Variants in STAG1 observed in about 807,000 individuals in gnomAD.
STAG1 encodes the protein STAG1 cohesin complex component.
STAG1 carries 26 observed loss-of-function variants against 170.9 expected under a neutral mutation model. The observed-to-expected ratio is 0.15, with a 90% CI of 0.11 to 0.21. The LOEUF is 0.21. Among genes scored for constraint, STAG1 ranks in the 10% least tolerant of loss-of-function variants. STAG1 has a pLI of 1.00. For missense variants in STAG1, 964 were observed against 1,509.5 expected (o/e 0.64, Z 5.99); for synonymous variants, 514 against 497.7 (o/e 1.03, Z -0.44).
chr3:136,738,656 C>T (rs2107948260), intron 1 of STAG1, among the ~76,000 whole-genome samples: 1 of 152,164 alleles, frequency 6.6e-6, no homozygotes, highest in Non-Finnish European at 1.5e-5. Flanking sequence ...CTGCTTTCCT[C>T]CTCTCCCCCA....
chr3:136,603,702 G>A (rs1938798251), intron 4 of STAG1, among the ~76,000 whole-genome samples: 1 of 152,112 alleles, frequency 6.6e-6, no homozygotes, highest in Non-Finnish European at 1.5e-5. Context: ...GGGTAACACG[G>A]TGAAACCCCA....
intron 22 of STAG1, among the ~76,000 whole-genome samples, chr3:136,380,256 T>G (rs1937878452): frequency 6.6e-6 from 1 of 152,140 alleles, no homozygotes; most frequent in Non-Finnish European, 1.5e-5. Flanking sequence ...TTTTTTTTTT[T>G]TTTGAGACGG....
chr3:136,525,968 T>C (rs555996074), intron 6 of STAG1, among the ~76,000 whole-genome samples: 63 of 152,348 alleles, frequency 4.1e-4, no homozygotes, highest in Non-Finnish European at 8.2e-4. Flanking sequence ...AGACAGTTTG[T>C]TATAATTTCT....
Position 136,484,275 on chromosome 3 carries a change from G to T in STAG1, c.903-6863C>A, listed in dbSNP as rs201111196. 1.7e-3 allele frequency among the ~76,000 whole-genome samples: 255 copies of T among 151,452 alleles called. 3 individuals carry two copies. The East Asian group carries it at 0.044, about 26-fold the overall frequency. ...GGTTTTCTGTTAGATGTCCTTTCTG[G>T]TTGTTAGTTTTCCTTCTAACAGACA... On this transcript the variant is annotated intron_variant, in intron 9 of 33. Coordinates refer to ENST00000383202, the MANE Select transcript of STAG1 (RefSeq NM_005862.3).
chr3:136,708,936 T>C (rs563730823), intron 1 of STAG1, among the ~76,000 whole-genome samples: 1 of 149,044 alleles, frequency 6.7e-6, no homozygotes, highest in African/African-American at 2.5e-5. Flanking sequence ...TCCCAAGTAG[T>C]TGGACCACAG....
At position 136,452,146 on chromosome 3, in the gene STAG1, G is replaced by A; in HGVS notation, c.1315C>T (p.Leu439=). 2 of 1,606,426 alleles carry A rather than the reference G, an allele frequency of 1.2e-6. No homozygotes were observed. The highest frequency in any genetic ancestry group is 1.7e-6 in the Non-Finnish European group (2 of 1,174,938). Reference sequence around the variant, plus strand: ...GCTTGTGGGTCATGTCTGCTAAATAGCCTGGAAATGAAAAACAGGGCATTG... The same window carrying A: ...GCTTGTGGGTCATGTCTGCTAAATAACCTGGAAATGAAAAACAGGGCATTG... ...VAAGEFLHKK[L]FSRHDPQAEE... Residue 439 remains leucine (L), a splice_region_variant and synonymous_variant, in exon 14 of 34, where the codon CTA becomes TTA. Transcript: ENST00000383202.
intron 1 of STAG1, among the ~76,000 whole-genome samples, chr3:136,678,457 T>TC (rs1942212761): frequency 6.7e-6 from 1 of 148,654 alleles, no homozygotes; most frequent in Non-Finnish European, 1.5e-5. Flanking sequence ...GTTGAGAATC[T>TC]CCAAGCAGAA....
intron 1 of STAG1, among the ~76,000 whole-genome samples, chr3:136,638,107 CTT>C (rs1940645870): frequency 6.6e-6 from 1 of 151,148 alleles, no homozygotes; most frequent in South Asian, 2.1e-4. Context: ...CAGGGTCTCA[CTT>C]TGTTACCCAG....
At chr3:136,734,108 CAA>C (rs11456348) in intron 1 of STAG1, among the ~76,000 whole-genome samples, 1 of 101,764 alleles carries the variant, frequency 9.8e-6, no homozygotes, top group Non-Finnish European at 2.2e-5. Flanking sequence ...GACTCCATCT[CAA>C]AAAAAAAAAA....
At chr3:136,398,236 G>C (rs1247519531) in intron 22 of STAG1, among the ~76,000 whole-genome samples, 5 of 151,990 alleles carry the variant, frequency 3.3e-5, no homozygotes, top group Non-Finnish European at 7.4e-5. Flanking sequence ...TCCTGCTTCA[G>C]CCTCCCAAGT....
chr3:136,616,709 C>T (rs1274034039), intron 3 of STAG1, among the ~76,000 whole-genome samples: 1 of 152,104 alleles, frequency 6.6e-6, no homozygotes, highest in African/African-American at 2.4e-5. Flanking sequence ...GAGTTTGAGA[C>T]CAGCCTGGGC....
At chr3:136,475,137 CCTTT>C (rs1456371988) in intron 10 of STAG1, among the ~76,000 whole-genome samples, 1 of 105,192 alleles carries the variant, frequency 9.5e-6, no homozygotes, top group Non-Finnish European at 2.0e-5. Context: ...TTTATAGGTT[CCTTT>C]TTTTTTTTTT....
At chr3:136,662,703 C>G (rs1235282826) in intron 1 of STAG1, among the ~76,000 whole-genome samples, 7 of 152,132 alleles carry the variant, frequency 4.6e-5, no homozygotes, top group Non-Finnish European at 7.4e-5. Flanking sequence ...CCTCAGCCCC[C>G]CAAAGTACTA....
chr3:136,604,653 CTTTCTT>C (rs1445545923), intron 3 of STAG1, among the ~76,000 whole-genome samples, 180 bp from the exon 4 acceptor site: 1 of 151,806 alleles, frequency 6.6e-6, no homozygotes, highest in Non-Finnish European at 1.5e-5. Flanking sequence ...ATGAAGGTAA[CTTTCTT>C]TTGTTTTTTG....
At chr3:136,453,754 T>TAA (rs554629186) in intron 13 of STAG1, among the ~76,000 whole-genome samples, 4 of 131,012 alleles carry the variant, frequency 3.1e-5, no homozygotes, top group African/African-American at 5.6e-5. Flanking sequence ...TAAAGAAAAG[T>TAA]AAAAAAAAAA....
intron 29 of STAG1, among the ~76,000 whole-genome samples, chr3:136,347,082 A>T (rs1270964345): frequency 6.9e-5 from 8 of 115,252 alleles, no homozygotes; most frequent in African/African-American, 1.3e-4. Flanking sequence ...CTGTCTCATT[A>T]AAAAAAAAAA....
In STAG1 at chr3:136,422,448, C is replaced by T; in HGVS notation, c.1999G>A (p.Asp667Asn). ...TCTTCCACAGAATGATTGAATCGAT[C>T]TACAAACTCATCAATCAGCTGGCTT... ...ARSQLIDEFV[D>N]RFNHSVEDLL... is the part of the protein sequence containing the mutation. Residue 667 changes from aspartate (D) to asparagine (N), a missense_variant, in exon 19 of 34, where the codon GAT becomes AAT. Asp to Asn is a conservative substitution (Grantham distance 23). Around this residue, in one of 11 missense-constraint regions of STAG1, gnomAD observed 232 missense variants for 313.0 expected, o/e 0.74. Transcript: ENST00000383202. 1 of 1,614,026 alleles carries T rather than the reference C, an allele frequency of 6.2e-7. No individual in the cohort carries two copies. The highest frequency in any genetic ancestry group is 8.5e-7 in the Non-Finnish European group (1 of 1,179,972).
At chr3:136,604,810 C>G (rs956192747) in intron 3 of STAG1, among the ~76,000 whole-genome samples, 4 of 152,074 alleles carry the variant, frequency 2.6e-5, no homozygotes, top group Admixed American at 1.3e-4. Context: ...CCACCACGAC[C>G]AGTTAATTTT....
intron 1 of STAG1, among the ~76,000 whole-genome samples, chr3:136,646,036 A>C (rs1424854835): frequency 6.6e-6 from 1 of 152,084 alleles, no homozygotes; most frequent in Non-Finnish European, 1.5e-5. Context: ...AATATGACCT[A>C]ATCTTCCAAC....
Sources: allele counts gnomAD v4.1 joint callset (sites outside exome capture counted in the v4.1 genomes callset), GRCh38; gene constraint gnomAD v4.1.1; regional missense constraint gnomAD v4.1.1; transcripts MANE v1.5; gene names NCBI Gene and HGNC (gene_info 2026-07-23, HGNC 2026-07-21).